The following ALDH7A1 variants were observed in gnomAD, a reference collection of about 807,000 sequenced individuals.
ALDH7A1 encodes alpha-aminoadipic semialdehyde dehydrogenase.
Under a neutral mutation model 79.9 loss-of-function variants are expected in ALDH7A1, and 63 were observed. The observed-to-expected ratio is 0.79, with a 90% CI of 0.64 to 0.97. The LOEUF (loss-of-function observed/expected upper bound fraction) is 0.97, where lower values mean the gene tolerates loss of function less well. Ranked by LOEUF, ALDH7A1 falls within the 50% of genes least tolerant of loss-of-function variation. The pLI is 0.00. For missense variants in ALDH7A1, 627 were observed against 665.2 expected (o/e 0.94, Z 0.63); for synonymous variants, 240 against 231.2 (o/e 1.04, Z -0.34).
chr5:126,594,735 C>G (rs1751681863), intron 1 of ALDH7A1, among the ~76,000 whole-genome samples: 1 of 152,052 alleles, frequency 6.6e-6, no homozygotes, highest in African/African-American at 2.4e-5. Context: ...GGTGAGCCAC[C>G]GCGCCCGGTA....
At chr5:126,594,914 T>C in intron 1 of ALDH7A1, 93 bp downstream of exon 1, 1 of 1,498,440 alleles carries the variant, frequency 6.7e-7, no homozygotes, top group Non-Finnish European at 9.1e-7. Flanking sequence ...TACTACCGCA[T>C]CCAGCGCCAG....
chr5:126,559,384 G>A (rs749687991), intron 10 of ALDH7A1, 50 bp from the exon 11 acceptor site: 2 of 1,367,282 alleles, frequency 1.5e-6, no homozygotes, highest in Admixed American at 1.7e-5. Flanking sequence ...AGGTAGACAA[G>A]GTATTTGTTA....
chr5:126,583,990 T>C lies in ALDH7A1; in HGVS notation c.335A>G (p.Glu112Gly). ...WADIPAPKRG[E>G]IVRQIGDALR... ...GGCATCGCCAATCTGTCTTACTATT[T>C]CTCCTCGTTTTGGAGCAGGAATCTA... The change falls in exon 4 of 18, where the codon GAA (glutamate) becomes GGA (glycine). Residue 112 changes from glutamate (E) to glycine (G), a missense_variant. Glu to Gly is a moderately conservative substitution (Grantham distance 98). Coordinates refer to ENST00000409134, the MANE Select transcript of ALDH7A1 (RefSeq NM_001182.5). 1.2e-6 allele frequency: 2 copies of C among 1,614,218 alleles called. No individual in the cohort carries two copies. The highest frequency in any genetic ancestry group is 1.7e-6 in the Non-Finnish European group (2 of 1,180,010).
chr5:126,545,511 C>T (rs1255776959), intron 17 of ALDH7A1, among the ~76,000 whole-genome samples: 1 of 145,822 alleles, frequency 6.9e-6, no homozygotes, highest in African/African-American at 2.5e-5. Context: ...GATCCACCTG[C>T]CTCAGCCTCC....
Position 126,577,222 on chromosome 5 carries a change from A to G in ALDH7A1, c.518-11T>C, listed in dbSNP as rs1390954678. The G allele has an allele frequency of 6.2e-7, 1 of 1,614,080 alleles. No homozygotes were observed. Among genetic ancestry groups the G allele is most frequent in the South Asian group, 1.1e-5 (1 of 91,054 alleles). On this transcript the variant is annotated splice_polypyrimidine_tract_variant and intron_variant, in intron 5 of 17. Coordinates refer to ENST00000409134, the MANE Select transcript of ALDH7A1 (RefSeq NM_001182.5). The stretch of plus-strand genomic sequence containing the variant: ...GTGCATGGCCAGATCCTGAGGACAG[A>G]AAAAGGATGGAACATGCAGAAGCAT...
Position 126,544,804 on chromosome 5 carries a change from G to A in ALDH7A1, c.*161C>T. 1 of 634,464 alleles carries A rather than the reference G, an allele frequency of 1.6e-6. No individual in the cohort carries two copies. The highest frequency in any genetic ancestry group is 2.8e-6 in the Non-Finnish European group (1 of 358,302). The allele number at this position is 634,464 out of a possible 1,614,324, so 39.3% of individuals were successfully genotyped here. ...CAATTTTATTTTGATTTTTAAAAAA[G>A]GAATCTCTTGATTTAATCAGGGCTT... On this transcript the variant is annotated 3_prime_UTR_variant, in exon 18 of 18. Transcript: ENST00000409134.
intron 6 of ALDH7A1, 126 bp from the exon 7 acceptor site, chr5:126,575,590 T>C (rs996098719): frequency 1.3e-6 from 1 of 772,460 alleles, no homozygotes; most frequent in East Asian, 2.9e-5. Context: ...AACTAACAAG[T>C]GAGTCTAGTA....
chr5:126,547,336 C>T (rs568143486), intron 16 of ALDH7A1, among the ~76,000 whole-genome samples: 15 of 152,274 alleles, frequency 9.9e-5, no homozygotes, highest in South Asian at 2.1e-4. Flanking sequence ...AGGGAGAGAG[C>T]GAATAAAAGC....
chr5:126,551,205 G>C (rs2112754490), intron 14 of ALDH7A1, among the ~76,000 whole-genome samples: 1 of 152,264 alleles, frequency 6.6e-6, no homozygotes, highest in South Asian at 2.1e-4. Context: ...ATGAGCCATT[G>C]TGCCCAGCTT....
chr5:126,578,855 C>T (rs1751074538), intron 5 of ALDH7A1, among the ~76,000 whole-genome samples: 1 of 152,134 alleles, frequency 6.6e-6, no homozygotes, highest in African/African-American at 2.4e-5. Context: ...CTGTCCCAGC[C>T]ATCAGTCTTT....
chr5:126,571,656 T>A (rs78062674), intron 7 of ALDH7A1, among the ~76,000 whole-genome samples: 1,522 of 152,120 alleles, frequency 0.01, 5 homozygotes, highest in Middle Eastern at 0.017. Context: ...TTATTTATTT[T>A]TTTTTTGGTC....
chr5:126,556,261 G>C (rs1353311635), intron 11 of ALDH7A1, among the ~76,000 whole-genome samples: 3 of 17,784 alleles, frequency 1.7e-4, no homozygotes, highest in African/African-American at 5.2e-4. Context: ...TTTTTTTTTT[G>C]AGACAGAGTC....
rs77919877 is a variant in ALDH7A1, at chr5:126,571,202, G to A, written c.696-343C>T. 10 of 307,440 alleles carry A rather than the reference G, an allele frequency of 3.3e-5. No homozygotes were observed. The Admixed American group carries it at 4.5e-4, about 14-fold the overall frequency. 19.0% of individuals were successfully genotyped at this position (307,440 alleles called of 1,614,324 possible). A position where few individuals can be genotyped will look rare whatever the true frequency, so the allele number is the denominator to read the frequency against. On this transcript the variant is annotated intron_variant, in intron 7 of 17. Transcript: ENST00000409134. ...AGCCCTAAAAGAATCTTGAGGCCAG[G>A]TGTGGTGGCTCATGCCTGCAATCCC...
At chr5:126,551,076 C>T (rs909632857) in intron 14 of ALDH7A1, among the ~76,000 whole-genome samples, 1 of 152,096 alleles carries the variant, frequency 6.6e-6, no homozygotes, top group Non-Finnish European at 1.5e-5. Context: ...ACTATAGGTA[C>T]ATACAACACC....
chr5:126,585,731 T>A (rs565373775), intron 3 of ALDH7A1, among the ~76,000 whole-genome samples: 103 of 152,116 alleles, frequency 6.8e-4, no homozygotes, highest in African/African-American at 2.4e-3. Context: ...CCGGCTAATT[T>A]TCTGTATTTT....
At chr5:126,583,052 C>A (rs916693581) in intron 4 of ALDH7A1, 78 bp from the exon 5 acceptor site, 2 of 1,544,684 alleles carry the variant, frequency 1.3e-6, no homozygotes, top group African/African-American at 1.4e-5. Flanking sequence ...AAGGGGGAAG[C>A]AAAACATGTT....
chr5:126,556,031 T>C lies in ALDH7A1; in HGVS notation c.1009-16A>G, dbSNP rs1190104947. On this transcript the variant is annotated splice_polypyrimidine_tract_variant and intron_variant, in intron 11 of 17. Coordinates refer to ENST00000409134, the MANE Select transcript of ALDH7A1 (RefSeq NM_001182.5). Reference sequence around the variant, plus strand: ...CATGTATAAACTAAACGAAAAAAGATATTCAAGGGCATAGTATGATAAATG... The same window carrying C: ...CATGTATAAACTAAACGAAAAAAGACATTCAAGGGCATAGTATGATAAATG... The C allele has an allele frequency of 1.9e-6, 3 of 1,572,032 alleles. No homozygotes were observed. The African/African-American group carries it at 4.1e-5, about 21-fold the overall frequency.
At chr5:126,575,546 CAA>C in intron 6 of ALDH7A1, 82 bp from the exon 7 acceptor site, 1 of 1,283,526 alleles carries the variant, frequency 7.8e-7, no homozygotes, top group Non-Finnish European at 1.1e-6. Flanking sequence ...CAAACAGAAG[CAA>C]AAGTGTGAGA....
chr5:126,542,336 C>T lies in ALDH7A1; in HGVS notation c.*2629G>A, dbSNP rs1482281679. 2 of 152,148 alleles carry T rather than the reference C, an allele frequency of 1.3e-5. No individual in the cohort carries two copies. Among genetic ancestry groups the T allele is most frequent in the Non-Finnish European group, 2.9e-5 (2 of 68,034 alleles). 9.4% of individuals were successfully genotyped at this position (152,148 alleles called of 1,614,324 possible). A position where few individuals can be genotyped will look rare whatever the true frequency, so the allele number is the denominator to read the frequency against. On this transcript the variant is annotated 3_prime_UTR_variant, in exon 18 of 18. Coordinates refer to ENST00000409134, the MANE Select transcript of ALDH7A1 (RefSeq NM_001182.5). ...GAAGGACACAGAGCCCTCTTGGTCC[C>T]TTCAGCATTTTCAGGAGACAGAATG...
Sources: allele counts gnomAD v4.1 joint callset (sites outside exome capture counted in the v4.1 genomes callset), GRCh38; gene constraint gnomAD v4.1.1; transcripts MANE v1.5; gene names NCBI Gene and HGNC (gene_info 2026-07-23, HGNC 2026-07-21).